The following ETHE1 variants were observed in gnomAD, a reference collection of about 807,000 sequenced individuals.
ETHE1 encodes persulfide dioxygenase ETHE1, mitochondrial.
ETHE1 carries 16 observed loss-of-function variants against 25.7 expected under a neutral mutation model. The ratio of observed to expected loss-of-function variants is 0.62; its 90% confidence interval spans 0.42 to 0.95. The LOEUF (loss-of-function observed/expected upper bound fraction) is 0.95, where lower values mean the gene tolerates loss of function less well. Among genes scored for constraint, ETHE1 ranks in the 40% least tolerant of loss-of-function variants. The pLI, the probability that ETHE1 is intolerant of heterozygous loss-of-function variation, is 0.00. For synonymous variants in ETHE1, 139 were observed against 135.9 expected (o/e 1.02, Z -0.16); for missense variants, 300 against 333.6 (o/e 0.90, Z 0.79).
intron 3 of ETHE1, among the ~76,000 whole-genome samples, chr19:43,519,998 T>A (rs542302879): frequency 1.4e-4 from 20 of 146,692 alleles, no homozygotes; most frequent in Middle Eastern, 3.5e-3. Flanking sequence ...AGGATCACCT[T>A]AGCCAGGGTT....
At chr19:43,522,061 G>A (rs1304956471) in intron 3 of ETHE1, among the ~76,000 whole-genome samples, 2 of 152,044 alleles carry the variant, frequency 1.3e-5, no homozygotes, top group Non-Finnish European at 2.9e-5. Flanking sequence ...AATTTGGCCT[G>A]CCATCAGTTT....
chr19:43,522,396 G>T (rs1972153773), intron 3 of ETHE1, among the ~76,000 whole-genome samples: 1 of 152,142 alleles, frequency 6.6e-6, no homozygotes, highest in African/African-American at 2.4e-5. Context: ...GTGCATACCA[G>T]CTTGGGCAAT....
chr19:43,520,498 C>G (rs996595253), intron 3 of ETHE1, among the ~76,000 whole-genome samples: 7 of 151,828 alleles, frequency 4.6e-5, no homozygotes, highest in Non-Finnish European at 8.8e-5. Flanking sequence ...CCCAGGAGGT[C>G]GAGGCCAGCC....
rs992658372 is a variant in ETHE1, at chr19:43,508,941, G to A, written c.506-77C>T. 4 of 1,129,544 alleles carry A rather than the reference G, an allele frequency of 3.5e-6. No individual in the cohort carries two copies. In the African/African-American group the frequency reaches 4.6e-5, roughly 13 times the overall value. The allele number at this position is 1,129,544 out of a possible 1,614,324, so 70.0% of individuals were successfully genotyped here. ...ACCCCTTCCTTCAAGAAAAGGGTAG[G>A]AGGATAAAATCACTATAGCTAAACC... On this transcript the variant is annotated intron_variant, in intron 4 of 6. Transcript: ENST00000292147.
rs551463087 is a variant in ETHE1, at chr19:43,525,721, G to C, written c.375+480C>G. The C allele has an allele frequency of 1.4e-5, 3 of 219,892 alleles. No homozygotes were observed. In the Admixed American group the frequency reaches 1.6e-4, roughly 12 times the overall value. The allele number at this position is 219,892 out of a possible 1,614,324, so 13.6% of individuals were successfully genotyped here. ...ACAGGTGCGGACCCTGCACTTACAG[G>C]ACCCTGAGAGCGAGTGCCTCCTTAA... On this transcript the variant is annotated intron_variant, in intron 3 of 6. Coordinates refer to ENST00000292147, the MANE Select transcript of ETHE1 (RefSeq NM_014297.5).
chr19:43,525,049 G>A (rs1038773671), intron 3 of ETHE1, among the ~76,000 whole-genome samples: 2 of 151,046 alleles, frequency 1.3e-5, no homozygotes, highest in African/African-American at 4.9e-5. Flanking sequence ...GGGAGGCTAA[G>A]GTGGGAGGAT....
At chr19:43,513,275 G>A (rs769631136) in intron 3 of ETHE1, among the ~76,000 whole-genome samples, 5 of 152,182 alleles carry the variant, frequency 3.3e-5, no homozygotes, top group Non-Finnish European at 7.4e-5. Context: ...ACTGCCCCTA[G>A]TGGAGCTGTG....
chr19:43,507,118 G>C (rs1305483494), intron 6 of ETHE1, among the ~76,000 whole-genome samples: 2 of 134,188 alleles, frequency 1.5e-5, no homozygotes, highest in Non-Finnish European at 3.2e-5. Flanking sequence ...TCAGACCCAG[G>C]AGCCCAGACC....
chr19:43,521,083 T>C (rs2599455), intron 3 of ETHE1, among the ~76,000 whole-genome samples: 3 of 152,012 alleles, frequency 2.0e-5, no homozygotes, highest in Non-Finnish European at 4.4e-5. Flanking sequence ...CTGTAATCCC[T>C]GCATTTTGGG....
chr19:43,526,825 A>G (rs1426392641), intron 1 of ETHE1, 166 bp from the exon 2 acceptor site: 29 of 1,491,992 alleles, frequency 1.9e-5, no homozygotes, highest in East Asian at 9.9e-5. Context: ...TTCCCCTATC[A>G]GAACAAAAGA....
intron 3 of ETHE1, among the ~76,000 whole-genome samples, chr19:43,516,641 T>TTTG (rs1972026266): frequency 6.8e-6 from 1 of 147,304 alleles, no homozygotes; most frequent in Non-Finnish European, 1.5e-5. Context: ...TTTTTTTTTT[T>TTTG]GAGATAGAGT....
intron 3 of ETHE1, among the ~76,000 whole-genome samples, chr19:43,523,900 C>T (rs1972186630): frequency 6.6e-6 from 1 of 151,980 alleles, no homozygotes; most frequent in Admixed American, 6.6e-5. Flanking sequence ...CTTGCCATTG[C>T]ACTCCAGCCT....
intron 3 of ETHE1, among the ~76,000 whole-genome samples, chr19:43,523,253 G>C (rs749946522): frequency 1.1e-4 from 16 of 152,144 alleles, no homozygotes; most frequent in Non-Finnish European, 2.1e-4. Context: ...TTCCATGAAT[G>C]TTAACAACTC....
chr19:43,510,230 C>G (rs1007512169), intron 4 of ETHE1, among the ~76,000 whole-genome samples: 1 of 152,156 alleles, frequency 6.6e-6, no homozygotes, highest in African/African-American at 2.4e-5. Context: ...TCGCTTTCTA[C>G]AGGGAAGCTC....
chr19:43,527,090 C>G lies in ETHE1; in HGVS notation c.81+7G>C, dbSNP rs1245380812. 2 of 1,551,770 alleles carry G rather than the reference C, an allele frequency of 1.3e-6. No homozygotes were observed. On this transcript the variant is annotated splice_region_variant and intron_variant, in intron 1 of 6. Transcript: ENST00000292147. Reference sequence around the variant, plus strand: ...AGCAGTCCCCTCCTAGGTCCAGCCACCCGCACCTGCCGCAGGAGGATGGGG... The same window carrying G: ...AGCAGTCCCCTCCTAGGTCCAGCCAGCCGCACCTGCCGCAGGAGGATGGGG...
At position 43,520,940 on chromosome 19, in the gene ETHE1, G is replaced by A. The variant is rs368007034; in HGVS notation, c.375+5261C>T. On this transcript the variant is annotated intron_variant, in intron 3 of 6. Coordinates refer to ENST00000292147, the MANE Select transcript of ETHE1 (RefSeq NM_014297.5). ...ACCTGGGGGATCAGTGTTTTCAGCAGTACTTCTCTAAGCCAGCATATTTAA... is the reference window on the plus strand; with the variant it reads ...ACCTGGGGGATCAGTGTTTTCAGCAATACTTCTCTAAGCCAGCATATTTAA... Among the ~76,000 whole-genome samples, 45 of 152,222 alleles carry A rather than the reference G, an allele frequency of 3.0e-4. No homozygotes were observed. In the East Asian group the frequency reaches 7.1e-3, roughly 24 times the overall value.
At chr19:43,526,801 G>A (rs977333567) in intron 1 of ETHE1, 142 bp from the exon 2 acceptor site, 3 of 1,519,330 alleles carry the variant, frequency 2.0e-6, no homozygotes, top group Non-Finnish European at 1.8e-6. Context: ...TCGGGAGTCC[G>A]GAGCCCCACT....
intron 4 of ETHE1, among the ~76,000 whole-genome samples, chr19:43,509,764 C>G (rs987538731): frequency 1.3e-5 from 2 of 152,120 alleles, no homozygotes; most frequent in African/African-American, 4.8e-5. Context: ...CCACTGCACT[C>G]CAGCCTGGGC....
chr19:43,515,157 C>A (rs1971993613), intron 3 of ETHE1, among the ~76,000 whole-genome samples: 1 of 151,976 alleles, frequency 6.6e-6, no homozygotes, highest in African/African-American at 2.4e-5. Context: ...TGGCTCATAC[C>A]TGTAATCCCA....
Sources: gnomAD v4.1 joint callset for allele counts (sites outside exome capture counted in the v4.1 genomes callset) on GRCh38, gnomAD v4.1.1 for gene constraint, MANE v1.5 for transcripts, NCBI Gene and HGNC (gene_info 2026-07-23, HGNC 2026-07-21) for gene names.